Variants in MCC observed in about 807,000 individuals in gnomAD.
MCC encodes the protein MCC regulator of Wnt signaling pathway, also known as colorectal mutant cancer protein.
A neutral mutation model predicts 116.2 loss-of-function variants in MCC; 90 were observed. The observed-to-expected ratio is 0.77, with a 90% confidence interval of 0.65 to 0.92. The LOEUF (loss-of-function observed/expected upper bound fraction) is 0.92, where lower values mean the gene tolerates loss of function less well. Ranked by LOEUF, MCC falls within the 40% of genes least tolerant of loss-of-function variation. MCC has a pLI of 0.00. For missense variants in MCC, 1,516 were observed against 1,312.2 expected, an observed-to-expected ratio of 1.16 and a Z score of -2.40; for synonymous variants, 578 against 510.5, an observed-to-expected ratio of 1.13 and a Z score of -1.78.
In MCC at chr5:113,197,973, C is replaced by T. The variant is rs115819484; in HGVS notation, c.628-46551G>A. Among the ~76,000 whole-genome samples the T allele has an allele frequency of 7.3e-3, 1,106 of 152,300 alleles. 15 individuals carry two copies. The highest frequency in any genetic ancestry group is 0.025 in the African/African-American group (1,042 of 41,556). On this transcript the variant is annotated intron_variant, in intron 3 of 18. Coordinates refer to ENST00000408903, the MANE Select transcript of MCC (RefSeq NM_001085377.2). ...AAGTGTGTCTGATAAGCATCTCAGT[C>T]CAGCTAAGTGCAAGCTATGGAATGG...
intron 12 of MCC, 138 bp downstream of exon 12, chr5:113,070,956 T>C (rs1201861129): frequency 1.6e-5 from 13 of 792,304 alleles, no homozygotes; most frequent in East Asian, 5.2e-5. Context: ...AGCTATTTGC[T>C]GTCCAAACCG....
intron 3 of MCC, among the ~76,000 whole-genome samples, chr5:113,195,498 T>G (rs1029530000): frequency 3.3e-5 from 5 of 152,166 alleles, no homozygotes; most frequent in African/African-American, 1.2e-4. Context: ...CCACTCCCCT[T>G]TAATGCATTT....
chr5:113,263,351 C>T (rs995726948), intron 3 of MCC, among the ~76,000 whole-genome samples: 1 of 152,182 alleles, frequency 6.6e-6, no homozygotes, highest in Non-Finnish European at 1.5e-5. Flanking sequence ...GACATCTACT[C>T]AGAACATTAA....
intron 3 of MCC, among the ~76,000 whole-genome samples, chr5:113,281,334 A>G (rs566904740): frequency 6.6e-6 from 1 of 152,132 alleles, no homozygotes; most frequent in African/African-American, 2.4e-5. Flanking sequence ...CAAAGTGTGC[A>G]TCACTGATAA....
In MCC at chr5:113,066,538, G is replaced by C. The variant is rs374949212; in HGVS notation, c.2029+1542C>G. ...AGCATCACTCTCCATACAAATGAAG[G>C]TGTGCTCCTTTGTTGGATTACTTGG... is the stretch of plus-strand genomic sequence containing the variant. On this transcript the variant is annotated intron_variant, in intron 13 of 18. Coordinates refer to ENST00000408903, the MANE Select transcript of MCC (RefSeq NM_001085377.2). 1.1e-4 allele frequency among the ~76,000 whole-genome samples: 16 copies of C among 152,256 alleles called. No individual in the cohort carries two copies. In the East Asian group the frequency reaches 1.2e-3, roughly 11 times the overall value.
intron 3 of MCC, among the ~76,000 whole-genome samples, chr5:113,309,910 C>G (rs1767096490): frequency 1.3e-5 from 2 of 149,812 alleles, no homozygotes; most frequent in African/African-American, 4.9e-5. Context: ...TCCTTCCTTC[C>G]TTCCTTCTTC....
At position 113,376,574 on chromosome 5, in the gene MCC, T is replaced by TATACACAC. The variant is rs10633405; in HGVS notation, c.415+8393_415+8394insGTGTGTAT. Reference sequence around the variant, plus strand: ...TGAATCTCCTAGTTGCCATATTTTATACACACACACACACACACACACACA... The same window carrying TATACACAC: ...TGAATCTCCTAGTTGCCATATTTTATATACACACACACACACACACACACACACACACA... On this transcript the variant is annotated intron_variant, in intron 2 of 18. Transcript: ENST00000408903. Among the ~76,000 whole-genome samples, 1,245 of 145,870 alleles carry TATACACAC rather than the reference T, an allele frequency of 8.5e-3. 13 individuals are homozygous for TATACACAC. The highest frequency in any genetic ancestry group is 0.026 in the African/African-American group (1,015 of 39,180).
intron 1 of MCC, among the ~76,000 whole-genome samples, chr5:113,419,585 A>G (rs902100505): frequency 1.3e-5 from 2 of 152,132 alleles, no homozygotes; most frequent in East Asian, 1.9e-4. Context: ...TACTTTAAAA[A>G]TGGTGAAATA....
intron 8 of MCC, among the ~76,000 whole-genome samples, chr5:113,098,880 C>T (rs1208629122): frequency 1.3e-5 from 2 of 152,194 alleles, no homozygotes; most frequent in African/African-American, 4.8e-5. Flanking sequence ...GCTACAAAGA[C>T]AGCAAAGGCA....
At chr5:113,150,848 G>A (rs1189116908) in intron 4 of MCC, among the ~76,000 whole-genome samples, 1 of 152,156 alleles carries the variant, frequency 6.6e-6, no homozygotes, top group African/African-American at 2.4e-5. Flanking sequence ...GATCACTTGA[G>A]CTCAGGAGTT....
At chr5:113,085,981 T>C (rs1755176217) in intron 8 of MCC, among the ~76,000 whole-genome samples, 2 of 152,242 alleles carry the variant, frequency 1.3e-5, no homozygotes, top group African/African-American at 4.8e-5. Flanking sequence ...TGAGCCACTG[T>C]GCCAAGCCAC....
chr5:113,268,046 C>T (rs901188589), intron 3 of MCC, among the ~76,000 whole-genome samples: 6 of 152,178 alleles, frequency 3.9e-5, no homozygotes, highest in Admixed American at 2.6e-4. Flanking sequence ...TCTCACTTAG[C>T]AAATTCTGTC....
chr5:113,062,932 C>A (rs532095735), intron 14 of MCC, among the ~76,000 whole-genome samples: 5 of 152,350 alleles, frequency 3.3e-5, no homozygotes, highest in South Asian at 4.1e-4. Context: ...TGGCTCTCAA[C>A]AGTCAATCTA....
intron 2 of MCC, among the ~76,000 whole-genome samples, chr5:113,345,760 AG>A (rs1768119573): frequency 6.6e-6 from 1 of 152,238 alleles, no homozygotes; most frequent in African/African-American, 2.4e-5. Flanking sequence ...CAAGAAGGAC[AG>A]GCACAGACAA....
At chr5:113,311,660 A>G (rs1434697534) in intron 3 of MCC, among the ~76,000 whole-genome samples, 1 of 152,158 alleles carries the variant, frequency 6.6e-6, no homozygotes, top group Non-Finnish European at 1.5e-5. Context: ...TAACTGACAC[A>G]TTGCTTAATC....
intron 15 of MCC, among the ~76,000 whole-genome samples, chr5:113,049,923 T>C (rs1752373883): frequency 1.3e-5 from 2 of 152,154 alleles, no homozygotes; most frequent in Non-Finnish European, 2.9e-5. Flanking sequence ...ATCAGACAAC[T>C]TCTAAAAGTA....
At chr5:113,339,157 C>A (rs1452337361) in intron 3 of MCC, among the ~76,000 whole-genome samples, 1 of 150,548 alleles carries the variant, frequency 6.6e-6, no homozygotes. Context: ...ACCTGGAAGG[C>A]GGAGGTTGCA....
At chr5:113,187,323 C>T (rs952912767) in intron 3 of MCC, among the ~76,000 whole-genome samples, 10 of 152,126 alleles carry the variant, frequency 6.6e-5, no homozygotes, top group South Asian at 2.1e-4. Flanking sequence ...TGGCCAGGCT[C>T]ATTTTGAATT....
chr5:113,186,276 T>A (rs1025196440), intron 3 of MCC, among the ~76,000 whole-genome samples: 9 of 152,140 alleles, frequency 5.9e-5, no homozygotes, highest in African/African-American at 2.2e-4. Context: ...AGCAGGAACT[T>A]GAAAACACAG....
Sources: allele counts gnomAD v4.1 joint callset (sites outside exome capture counted in the v4.1 genomes callset), GRCh38; gene constraint gnomAD v4.1.1; transcripts MANE v1.5; gene names NCBI Gene and HGNC (gene_info 2026-07-23, HGNC 2026-07-21).